The following PTPRD variants were observed in gnomAD, a reference collection of about 807,000 sequenced individuals.
The protein encoded by PTPRD is protein tyrosine phosphatase receptor type D, also known as receptor-type tyrosine-protein phosphatase delta.
A neutral mutation model predicts 214.5 loss-of-function variants in PTPRD; 34 were observed. That is an observed-to-expected ratio of 0.16 (90% CI 0.12 to 0.21). The LOEUF is 0.21. Ranked by LOEUF, PTPRD falls within the 10% of genes least tolerant of loss-of-function variation. PTPRD has a pLI of 1.00. For synonymous variants in PTPRD, 1,128 were observed against 845.7 expected (o/e 1.33, Z -5.79); for missense variants, 2,545 against 2,398.7 (o/e 1.06, Z -1.27).
rs147590940 is a variant in PTPRD at position 8,503,876 on chromosome 9, T to C, written c.1822+385A>G. Among the ~76,000 whole-genome samples, 3 of 152,344 alleles carry C rather than the reference T, an allele frequency of 2.0e-5. No homozygotes were observed. The East Asian group carries it at 5.8e-4, about 29-fold the overall frequency. ...GTGCTTAAAAAAATAAAGTTTTTTT[T>C]TGTCTTTTGCAGCCTCTTTCATTTG... On this transcript the variant is annotated intron_variant, in intron 23 of 45. Transcript: ENST00000381196.
At chr9:10,038,070 T>G (rs1047287080) in intron 3 of PTPRD, among the ~76,000 whole-genome samples, 29 of 152,172 alleles carry the variant, frequency 1.9e-4, no homozygotes, top group African/African-American at 6.8e-4. Flanking sequence ...TTGAATTTAT[T>G]TTATCTGTCA....
At chr9:9,612,667 C>T (rs959015964) in intron 7 of PTPRD, among the ~76,000 whole-genome samples, 2 of 151,376 alleles carry the variant, frequency 1.3e-5, no homozygotes, top group Non-Finnish European at 2.9e-5. Context: ...TAATTTTTCA[C>T]TACAATCTTT....
At chr9:10,575,931 TA>T (rs1259429215) in intron 2 of PTPRD, among the ~76,000 whole-genome samples, 3 of 152,176 alleles carry the variant, frequency 2.0e-5, no homozygotes, top group African/African-American at 4.8e-5. Flanking sequence ...ACTGGGGAAT[TA>T]TTTTTTTTAA....
intron 5 of PTPRD, among the ~76,000 whole-genome samples, chr9:9,887,612 T>G (rs1242454933): frequency 6.6e-6 from 1 of 152,158 alleles, no homozygotes; most frequent in Non-Finnish European, 1.5e-5. Flanking sequence ...CAGTGTACCA[T>G]GTACTCAGAC....
chr9:10,162,738 T>TATATAC (rs200685153), intron 3 of PTPRD, among the ~76,000 whole-genome samples: 18,071 of 146,284 alleles, frequency 0.12, 1,233 homozygotes, highest in South Asian at 0.2. Flanking sequence ...TGTACATATA[T>TATATAC]ATATACATAT....
At chr9:9,342,863 C>A (rs1212887888) in intron 9 of PTPRD, among the ~76,000 whole-genome samples, 2 of 152,096 alleles carry the variant, frequency 1.3e-5, no homozygotes, top group African/African-American at 4.8e-5. Flanking sequence ...CTCCCCTAGC[C>A]CCCTACCCCG....
chr9:9,010,933 G>C (rs144719567), intron 11 of PTPRD, among the ~76,000 whole-genome samples: 1 of 152,078 alleles, frequency 6.6e-6, no homozygotes, highest in Non-Finnish European at 1.5e-5. Context: ...ACGAAAGTAT[G>C]AATAAATACC....
chr9:8,436,261 T>C (rs10977099), intron 35 of PTPRD, among the ~76,000 whole-genome samples: 1 of 152,136 alleles, frequency 6.6e-6, no homozygotes, highest in Non-Finnish European at 1.5e-5. Flanking sequence ...AGCGATCTAT[T>C]GCACAGAATG....
At chr9:8,437,754 G>C (rs2095410200) in intron 34 of PTPRD, among the ~76,000 whole-genome samples, 1 of 152,178 alleles carries the variant, frequency 6.6e-6, no homozygotes, top group Non-Finnish European at 1.5e-5. Flanking sequence ...AGGAGGGAAA[G>C]AGGGTGAAGA....
intron 4 of PTPRD, among the ~76,000 whole-genome samples, chr9:10,008,047 G>A (rs956381668): frequency 1.3e-5 from 2 of 151,760 alleles, no homozygotes; most frequent in Non-Finnish European, 2.9e-5. Context: ...TATTCATAAG[G>A]CAAACCTGCA....
intron 12 of PTPRD, among the ~76,000 whole-genome samples, chr9:8,696,218 G>A (rs1043418598): frequency 1.3e-5 from 2 of 152,172 alleles, no homozygotes; most frequent in Admixed American, 6.5e-5. Context: ...GAAACCAAGA[G>A]GGCTGGCCTC....
Position 8,486,014 on chromosome 9 carries a change from C to T in PTPRD, c.2803G>A (p.Val935Ile), listed in dbSNP as rs375803455. ...LHSEGTTSTS[V>I]QLSWQPPVLA... is the part of the protein sequence containing the mutation. ...ACAGGTGGTTGCCAAGATAACTGGA[C>T]GGAGGTTGAAGTGGTGCCTTCTGAG... The change falls in exon 28 of 46, where the codon GTC becomes ATC. Residue 935 changes from valine (V) to isoleucine (I), a missense_variant. Coordinates refer to ENST00000381196, the MANE Select transcript of PTPRD (RefSeq NM_002839.4). The T allele has an allele frequency of 3.5e-5, 57 of 1,614,114 alleles. No individual in the cohort carries two copies. Among genetic ancestry groups the T allele is most frequent in the Middle Eastern group, 1.7e-4 (1 of 6,060 alleles).
chr9:9,493,807 A>G (rs1181962701), intron 8 of PTPRD, among the ~76,000 whole-genome samples: 5 of 124,620 alleles, frequency 4.0e-5, no homozygotes, highest in Admixed American at 3.2e-4. Context: ...AAAAAAAAAA[A>G]AAAGAAAAGA....
intron 7 of PTPRD, among the ~76,000 whole-genome samples, chr9:9,657,947 C>T (rs1181008966): frequency 6.6e-6 from 1 of 152,186 alleles, no homozygotes; most frequent in Non-Finnish European, 1.5e-5. Context: ...ATATTTAATT[C>T]AGCCAAGTGG....
intron 14 of PTPRD, among the ~76,000 whole-genome samples, chr9:8,586,374 A>G (rs2093660559): frequency 1.3e-5 from 2 of 152,190 alleles, no homozygotes; most frequent in South Asian, 2.1e-4. Flanking sequence ...TTCTGTATTA[A>G]GTCTTCACCA....
At chr9:8,704,758 CA>C (rs569357894) in intron 12 of PTPRD, among the ~76,000 whole-genome samples, 501 of 137,646 alleles carry the variant, frequency 3.6e-3, no homozygotes, top group African/African-American at 5.2e-3. Context: ...ACTAAAAATA[CA>C]AAAAAAAAAA....
At chr9:9,194,659 A>C (rs2131990964) in intron 9 of PTPRD, among the ~76,000 whole-genome samples, 1 of 152,282 alleles carries the variant, frequency 6.6e-6, no homozygotes, top group Non-Finnish European at 1.5e-5. Flanking sequence ...AAGGCAAATA[A>C]GAAGTGAGGA....
intron 5 of PTPRD, among the ~76,000 whole-genome samples, chr9:9,928,927 T>C (rs62536888): frequency 0.032 from 4,853 of 152,258 alleles, 131 homozygotes; most frequent in East Asian, 0.18. Context: ...TATAAAATAT[T>C]TGTAAAAGGC....
At chr9:9,039,379 A>T (rs1335601084) in intron 10 of PTPRD, among the ~76,000 whole-genome samples, 49 of 152,200 alleles carry the variant, frequency 3.2e-4, no homozygotes, top group Admixed American at 3.2e-3. Flanking sequence ...CTAATTCTGC[A>T]GCTAATTAGA....
Sources: allele counts gnomAD v4.1 joint callset (sites outside exome capture counted in the v4.1 genomes callset), GRCh38; gene constraint gnomAD v4.1.1; transcripts MANE v1.5; gene names NCBI Gene and HGNC (gene_info 2026-07-23, HGNC 2026-07-21).